NRK: variants seen among roughly 807,000 people sequenced by gnomAD.
NRK encodes nik-related protein kinase.
NRK carries 67 observed loss-of-function variants against 125.2 expected under a neutral mutation model. The ratio of observed to expected loss-of-function variants is 0.54; its 90% CI spans 0.44 to 0.66. The LOEUF is 0.66. Ranked by LOEUF, NRK falls within the 30% of genes least tolerant of loss-of-function variation. NRK has a pLI of 0.00. For synonymous variants in NRK, 458 were observed against 429.0 expected (o/e 1.07, Z -0.84); for missense variants, 1,224 against 1,192.9 (o/e 1.03, Z -0.38).
chrX:105,885,440 A>G (rs2039931689), intron 4 of NRK, among the ~76,000 whole-genome samples: 1 of 112,555 alleles, frequency 8.9e-6, no homozygotes, highest in Non-Finnish European at 1.9e-5. Flanking sequence ...AACCAATTAT[A>G]TTTTCATTGA....
At chrX:105,890,645 G>A (rs2040004887) in intron 5 of NRK, among the ~76,000 whole-genome samples, 1 of 112,196 alleles carries the variant, frequency 8.9e-6, no homozygotes, top group African/African-American at 3.2e-5. Flanking sequence ...AGGCAAGACA[G>A]CATGTGCAAG....
At chrX:105,870,543 A>G (rs779450399) in intron 2 of NRK, among the ~76,000 whole-genome samples, 1 of 111,646 alleles carries the variant, frequency 9.0e-6, no homozygotes, top group East Asian at 2.8e-4. Flanking sequence ...TTTCCTGCAA[A>G]TGTTGTATGT....
rs751022753 is a variant in NRK at position 105,862,477 on chromosome X, AT to A, written c.124-17718del. 1.9e-3 allele frequency among the ~76,000 whole-genome samples: 218 copies of A among 111,799 alleles called. 3 individuals carry two copies. The highest frequency in any genetic ancestry group is 6.9e-3 in the African/African-American group (212 of 30,848). On this transcript the variant is annotated intron_variant, in intron 2 of 28. Coordinates refer to ENST00000243300, the MANE Select transcript of NRK (RefSeq NM_198465.4). ...CACAAATTAAAGCTAATCATAAGAC[AT>A]TTTGAAAAATAAAAATAATAGGAAA...
chrX:105,826,401 A>T (rs1050703055), intron 1 of NRK, among the ~76,000 whole-genome samples: 3 of 77,849 alleles, frequency 3.9e-5, no homozygotes, highest in African/African-American at 9.7e-5. Context: ...ATATATATAT[A>T]ATATATATAT....
Position 105,906,447 on chromosome X carries a change from T to C in NRK, c.879T>C (p.Cys293=), listed in dbSNP as rs778801430. 2 of 1,170,171 alleles carry C rather than the reference T, an allele frequency of 1.7e-6. No individual in the cohort carries two copies. Among genetic ancestry groups the C allele is most frequent in the African/African-American group, 3.6e-5 (2 of 56,096 alleles). The change falls in exon 11 of 29, where the codon TGT becomes TGC. Residue 293 remains cysteine (C), a synonymous_variant. Transcript: ENST00000243300. ...SRKFHNFMEK[C]TIKNFLFRPT... ...AGTTCCACAATTTCATGGAAAAGTG[T>C]ACGATAAAAAATTTCCTGTTTCGTC... is the stretch of plus-strand genomic sequence containing the variant.
At chrX:105,952,359 GCTGA>G (rs1388106744) in intron 27 of NRK, among the ~76,000 whole-genome samples, 1 of 111,895 alleles carries the variant, frequency 8.9e-6, no homozygotes, top group Non-Finnish European at 1.9e-5. Flanking sequence ...TGCAGCACCA[GCTGA>G]CTGACTGTTT....
At chrX:105,910,352 A>T (rs889947393) in intron 13 of NRK, among the ~76,000 whole-genome samples, 1 of 112,341 alleles carries the variant, frequency 8.9e-6, no homozygotes, top group East Asian at 2.8e-4. Context: ...TTTGTACTAC[A>T]GGATGTTTAA....
chrX:105,832,980 G>A (rs1378999786), intron 2 of NRK, among the ~76,000 whole-genome samples: 2 of 111,116 alleles, frequency 1.8e-5, no homozygotes, highest in Non-Finnish European at 3.8e-5. Context: ...AGTGGATTAT[G>A]TTTACACCAC....
intron 2 of NRK, among the ~76,000 whole-genome samples, chrX:105,838,603 A>T (rs746527664): frequency 5.6e-4 from 62 of 111,592 alleles, no homozygotes; most frequent in African/African-American, 2.0e-3. Context: ...AATTCACCTG[A>T]AATAGAGTAA....
intron 2 of NRK, among the ~76,000 whole-genome samples, chrX:105,875,033 T>C (rs1361059463): frequency 1.8e-5 from 2 of 111,678 alleles, no homozygotes; most frequent in South Asian, 3.7e-4. Context: ...AGGACTTTAT[T>C]TAAGTCCTTC....
intron 2 of NRK, among the ~76,000 whole-genome samples, chrX:105,874,724 T>G (rs1165513629): frequency 9.0e-6 from 1 of 111,614 alleles, no homozygotes; most frequent in Non-Finnish European, 1.9e-5. Context: ...GTAGGACAGA[T>G]TTGAAATGCT....
upstream of NRK, among the ~76,000 whole-genome samples, chrX:105,822,332 C>CG (rs1225926693): frequency 6.0e-5 from 5 of 82,978 alleles, no homozygotes; most frequent in Non-Finnish European, 1.2e-4. Flanking sequence ...GCAGGAGGGC[C>CG]GGGGGAGGCC....
At chrX:105,858,670 T>G (rs2039563757) in intron 2 of NRK, among the ~76,000 whole-genome samples, 1 of 110,772 alleles carries the variant, frequency 9.0e-6, no homozygotes. Flanking sequence ...GCAATTCCTC[T>G]GGTGAGGTGG....
chrX:105,922,555 A>T (rs1003441053), intron 17 of NRK, among the ~76,000 whole-genome samples: 2 of 112,059 alleles, frequency 1.8e-5, no homozygotes, highest in Non-Finnish European at 3.8e-5. Flanking sequence ...CTTTCAGATT[A>T]TTCTATTTCA....
chrX:105,932,673 C>T (rs762197071), intron 19 of NRK, among the ~76,000 whole-genome samples: 9 of 111,518 alleles, frequency 8.1e-5, no homozygotes, highest in Non-Finnish European at 1.7e-4. Context: ...AGCCTATTTT[C>T]TTGTCACACA....
intron 1 of NRK, among the ~76,000 whole-genome samples, chrX:105,827,788 A>C (rs2039134012): frequency 8.9e-6 from 1 of 112,372 alleles, no homozygotes; most frequent in South Asian, 3.7e-4. Context: ...ACTAGAAATT[A>C]GTTTCTTCTT....
At chrX:105,853,816 A>G (rs973064409) in intron 2 of NRK, among the ~76,000 whole-genome samples, 1 of 112,219 alleles carries the variant, frequency 8.9e-6, no homozygotes, top group Non-Finnish European at 1.9e-5. Flanking sequence ...TGAGTCTTCT[A>G]CTCCCACACC....
intron 11 of NRK, among the ~76,000 whole-genome samples, chrX:105,906,926 A>G (rs112740814): frequency 1.8e-5 from 2 of 110,558 alleles, no homozygotes; most frequent in African/African-American, 6.6e-5. Flanking sequence ...AATAAAATAA[A>G]TAAAAGATAA....
chrX:105,882,530 A>C (rs1332031311), intron 4 of NRK, among the ~76,000 whole-genome samples: 1 of 111,511 alleles, frequency 9.0e-6, no homozygotes, highest in Non-Finnish European at 1.9e-5. Context: ...TGCTCTTATC[A>C]ATATAATGAA....
Sources: gnomAD v4.1 joint callset for allele counts (sites outside exome capture counted in the v4.1 genomes callset) on GRCh38, gnomAD v4.1.1 for gene constraint, MANE v1.5 for transcripts, NCBI Gene and HGNC (gene_info 2026-07-23, HGNC 2026-07-21) for gene names.